Variants in PTBP2 observed in about 807,000 individuals in gnomAD.
PTBP2 encodes polypyrimidine tract-binding protein 2.
Under a neutral mutation model 61.4 loss-of-function variants are expected in PTBP2, and 13 were observed. The ratio of observed to expected loss-of-function variants is 0.21; its 90% CI spans 0.14 to 0.34. The LOEUF (loss-of-function observed/expected upper bound fraction) is 0.34, where lower values mean the gene tolerates loss of function less well. PTBP2 is among the 10% of genes least tolerant of loss of function. PTBP2 has a pLI of 1.00. For missense variants in PTBP2, 405 were observed against 642.6 expected (o/e 0.63, Z 4.00); for synonymous variants, 215 against 218.5 (o/e 0.98, Z 0.14).
At chr1:96,810,255 A>G (rs1217912221) in intron 11 of PTBP2, among the ~76,000 whole-genome samples, 1 of 152,204 alleles carries the variant, frequency 6.6e-6, no homozygotes, top group Non-Finnish European at 1.5e-5. Context: ...CATTTATGCC[A>G]TATTTCTTGG....
intron 1 of PTBP2, among the ~76,000 whole-genome samples, chr1:96,722,208 C>T (rs938582909): frequency 1.3e-4 from 20 of 152,020 alleles, no homozygotes; most frequent in Admixed American, 1.1e-3. Context: ...CTCTAGGAGC[C>T]ATTTCGATCC....
At chr1:96,740,274 C>T (rs1016023501) in intron 2 of PTBP2, among the ~76,000 whole-genome samples, 1 of 152,172 alleles carries the variant, frequency 6.6e-6, no homozygotes, top group Non-Finnish European at 1.5e-5. Context: ...GATCAAGGTA[C>T]CAGCAAGGCA....
intron 2 of PTBP2, among the ~76,000 whole-genome samples, chr1:96,737,787 T>G (rs1652432672): frequency 6.6e-6 from 1 of 152,228 alleles, no homozygotes; most frequent in Non-Finnish European, 1.5e-5. Context: ...CTTTGAAAAT[T>G]GAACCTGCTT....
chr1:96,790,994 C>T (rs898467658), intron 8 of PTBP2, among the ~76,000 whole-genome samples: 1 of 143,770 alleles, frequency 7.0e-6, no homozygotes, highest in Non-Finnish European at 1.5e-5. Flanking sequence ...TTATAAATCA[C>T]TTTTCTCGTA....
chr1:96,734,941 A>G (rs771555354), intron 2 of PTBP2, among the ~76,000 whole-genome samples: 11 of 144,996 alleles, frequency 7.6e-5, no homozygotes, highest in Non-Finnish European at 1.2e-4. Context: ...TTGAGAGACA[A>G]GAGTCTTGCC....
intron 8 of PTBP2, among the ~76,000 whole-genome samples, chr1:96,791,822 T>G: frequency 7.5e-6 from 1 of 133,960 alleles, no homozygotes; most frequent in African/African-American, 2.9e-5. Context: ...TGCTTGGAGT[T>G]GTGCTTTTTT....
chr1:96,778,834 T>C (rs1658331463), intron 7 of PTBP2, among the ~76,000 whole-genome samples: 1 of 152,132 alleles, frequency 6.6e-6, no homozygotes, highest in Admixed American at 6.6e-5. Context: ...TACAATTGTT[T>C]CATTGCATTT....
chr1:96,793,546 T>G (rs1343837639), intron 8 of PTBP2, among the ~76,000 whole-genome samples: 3 of 151,990 alleles, frequency 2.0e-5, no homozygotes, highest in Admixed American at 6.6e-5. Context: ...ATTTTTTTTG[T>G]AGTTTTAGTA....
intron 3 of PTBP2, among the ~76,000 whole-genome samples, chr1:96,766,397 A>G (rs1436054091): frequency 1.3e-5 from 2 of 152,184 alleles, no homozygotes; most frequent in African/African-American, 4.8e-5. Flanking sequence ...TACACGCCCA[A>G]ACAAAAGTTC....
At position 96,769,696 on chromosome 1, in the gene PTBP2, C is replaced by T. The variant is rs370081109; in HGVS notation, c.116-7C>T. ...ATATATAAGGACTGTTTTTTAATGTCTTTCAGCCAATGGTAATGATAGTAA... is the reference window on the plus strand; with the variant it reads ...ATATATAAGGACTGTTTTTTAATGTTTTTCAGCCAATGGTAATGATAGTAA... On this transcript the variant is annotated splice_region_variant and splice_polypyrimidine_tract_variant and intron_variant, in intron 3 of 13. Transcript: ENST00000674951. 6 of 1,553,062 alleles carry T rather than the reference C, an allele frequency of 3.9e-6. No individual in the cohort carries two copies. In the African/African-American group the frequency reaches 8.3e-5, roughly 22 times the overall value.
chr1:96,741,179 CATTG>C (rs1320976062), intron 2 of PTBP2, among the ~76,000 whole-genome samples: 3 of 148,450 alleles, frequency 2.0e-5, no homozygotes, highest in Middle Eastern at 3.2e-3. Context: ...AAAAAAAAAA[CATTG>C]ATTCCTGGGA....
At chr1:96,757,809 C>T (rs1344936530) in intron 3 of PTBP2, among the ~76,000 whole-genome samples, 4 of 151,994 alleles carry the variant, frequency 2.6e-5, no homozygotes, top group Non-Finnish European at 4.4e-5. Flanking sequence ...ATTACACAAT[C>T]GTGAACAATA....
At chr1:96,768,901 C>A (rs1657057367) in intron 3 of PTBP2, among the ~76,000 whole-genome samples, 1 of 151,940 alleles carries the variant, frequency 6.6e-6, no homozygotes, top group Non-Finnish European at 1.5e-5. Flanking sequence ...ACTTTACATT[C>A]TTTGATCCCA....
At chr1:96,759,000 G>A (rs1655481157) in intron 3 of PTBP2, among the ~76,000 whole-genome samples, 1 of 151,946 alleles carries the variant, frequency 6.6e-6, no homozygotes, top group Non-Finnish European at 1.5e-5. Flanking sequence ...CCTTATACTT[G>A]GCAGCAAATT....
intron 3 of PTBP2, among the ~76,000 whole-genome samples, chr1:96,761,213 A>G (rs1468126602): frequency 6.6e-6 from 1 of 152,172 alleles, no homozygotes; most frequent in Non-Finnish European, 1.5e-5. Flanking sequence ...AAACAAATCC[A>G]AAAGTTGTTT....
chr1:96,759,182 C>G (rs1406771902), intron 3 of PTBP2, among the ~76,000 whole-genome samples: 1 of 152,098 alleles, frequency 6.6e-6, no homozygotes. Context: ...TTAGAAGGCT[C>G]AATATGTTAA....
In PTBP2 at chr1:96,798,272, G is replaced by A. The variant is rs368111052; in HGVS notation, c.905-6528G>A. Among the ~76,000 whole-genome samples, 125 of 151,884 alleles carry A rather than the reference G, an allele frequency of 8.2e-4. 1 individual carries two copies. In the South Asian group the frequency reaches 0.01, roughly 12 times the overall value. On this transcript the variant is annotated intron_variant, in intron 8 of 13. Transcript: ENST00000674951. ...AATACAAATATTAGCCAGGTGTGGT[G>A]GTGGGCGCCTGTAATCTTAGCTACT...
chr1:96,774,921 T>G (rs1329066303), intron 5 of PTBP2, among the ~76,000 whole-genome samples: 1 of 152,206 alleles, frequency 6.6e-6, no homozygotes, highest in African/African-American at 2.4e-5. Flanking sequence ...TAACCTGGCA[T>G]GTTTTCTCTT....
chr1:96,763,694 T>G (rs898740824), intron 3 of PTBP2, among the ~76,000 whole-genome samples: 2 of 152,086 alleles, frequency 1.3e-5, no homozygotes, highest in African/African-American at 4.8e-5. Flanking sequence ...GACCAAGGAA[T>G]CAATCTAATC....
Sources: gnomAD v4.1 joint callset for allele counts (sites outside exome capture counted in the v4.1 genomes callset) on GRCh38, gnomAD v4.1.1 for gene constraint, MANE v1.5 for transcripts, NCBI Gene and HGNC (gene_info 2026-07-23, HGNC 2026-07-21) for gene names.